PHEX: variants seen among roughly 807,000 people sequenced by gnomAD.
PHEX encodes phosphate-regulating neutral endopeptidase PHEX.
Under a neutral mutation model 68.0 loss-of-function variants are expected in PHEX, and 16 were observed. The observed-to-expected ratio is 0.24, with a 90% CI of 0.16 to 0.36. The LOEUF is 0.36. PHEX is among the 10% of genes least tolerant of loss of function. The pLI, the probability that PHEX is intolerant of heterozygous loss-of-function variation, is 1.00. For missense variants in PHEX, 480 were observed against 575.5 expected (o/e 0.83, Z 1.70); for synonymous variants, 208 against 205.1 (o/e 1.01, Z -0.12).
chrX:22,134,246 C>T (rs1433296293), intron 12 of PHEX, among the ~76,000 whole-genome samples: 3 of 112,059 alleles, frequency 2.7e-5, no homozygotes, highest in South Asian at 3.7e-4. Flanking sequence ...TGATACTATG[C>T]GACACGATAA....
chrX:22,147,359 A>C (rs1932745299), intron 12 of PHEX, among the ~76,000 whole-genome samples: 1 of 110,863 alleles, frequency 9.0e-6, no homozygotes, highest in African/African-American at 3.3e-5. Context: ...TAATAGCCAC[A>C]ATGTGTCTGC....
chrX:22,249,383 T>C lies in PHEX; in HGVS notation c.*1430T>C, dbSNP rs1206047947. On this transcript the variant is annotated 3_prime_UTR_variant, in exon 22 of 22. Coordinates refer to ENST00000379374, the MANE Select transcript of PHEX (RefSeq NM_000444.6). ...CAATAGGAAAATCTCAAAAGCAAAATGACAAATTCAGATTAACCACAGGAA... is the reference window on the plus strand; with the variant it reads ...CAATAGGAAAATCTCAAAAGCAAAACGACAAATTCAGATTAACCACAGGAA... 3.1e-5 allele frequency: 3 copies of C among 96,316 alleles called. No individual in the cohort carries two copies. The highest frequency in any genetic ancestry group is 4.0e-5 in the African/African-American group (1 of 25,122). 7.9% of individuals were successfully genotyped at this position (96,316 alleles called of 1,213,427 possible). A position where few individuals can be genotyped will look rare whatever the true frequency, so the allele number is the denominator to read the frequency against.
At chrX:22,234,273 T>A (rs370969284) in intron 20 of PHEX, among the ~76,000 whole-genome samples, 2 of 112,493 alleles carry the variant, frequency 1.8e-5, no homozygotes, top group Admixed American at 9.4e-5. Context: ...GGGGGTCAGG[T>A]ACCCACTTGA....
intron 12 of PHEX, among the ~76,000 whole-genome samples, chrX:22,148,151 C>T (rs1267597180): frequency 9.0e-6 from 1 of 110,858 alleles, no homozygotes; most frequent in Admixed American, 9.7e-5. Context: ...ACCTGGAGTC[C>T]CTTAGGCAGT....
chrX:22,182,244 C>T (rs1455172331), intron 14 of PHEX, among the ~76,000 whole-genome samples: 1 of 111,179 alleles, frequency 9.0e-6, no homozygotes, highest in Non-Finnish European at 1.9e-5. Flanking sequence ...TAGGTATATT[C>T]CTTCTATATC....
chrX:22,224,525 A>G (rs945110549), intron 18 of PHEX, among the ~76,000 whole-genome samples: 5 of 111,366 alleles, frequency 4.5e-5, no homozygotes, highest in African/African-American at 1.6e-4. Context: ...CCATAAGCTA[A>G]GGTTGATCTG....
chrX:22,054,581 T>A (rs191476226), intron 3 of PHEX, among the ~76,000 whole-genome samples: 5 of 111,769 alleles, frequency 4.5e-5, no homozygotes, highest in African/African-American at 1.6e-4. Context: ...GAGTCTCCTA[T>A]GTAAACTGGG....
intron 13 of PHEX, among the ~76,000 whole-genome samples, chrX:22,174,779 T>A (rs1373130595): frequency 8.9e-6 from 1 of 112,334 alleles, no homozygotes; most frequent in Non-Finnish European, 1.9e-5. Context: ...CAGTAACATA[T>A]TGTTTTGCTA....
chrX:22,051,807 C>T (rs952496381), intron 3 of PHEX, among the ~76,000 whole-genome samples: 13 of 111,095 alleles, frequency 1.2e-4, no homozygotes, highest in African/African-American at 4.2e-4. Context: ...AATAATATAT[C>T]TATAAATGTA....
chrX:22,047,239 C>T, intron 3 of PHEX, 28 bp downstream of exon 3: 1 of 1,144,828 alleles, frequency 8.7e-7, no homozygotes, highest in East Asian at 3.0e-5. Context: ...TTTGGTGATA[C>T]ACTTTATAGA....
intron 3 of PHEX, among the ~76,000 whole-genome samples, chrX:22,056,783 A>ATAT (rs1317182387): frequency 6.7e-4 from 70 of 105,165 alleles, no homozygotes; most frequent in African/African-American, 2.2e-3. Context: ...AATAATAATA[A>ATAT]TAATAATAAT....
At chrX:22,127,013 A>T (rs1931764414) in intron 11 of PHEX, among the ~76,000 whole-genome samples, 1 of 107,401 alleles carries the variant, frequency 9.3e-6, no homozygotes, top group African/African-American at 3.4e-5. Context: ...CTGAGATTAC[A>T]GTTGCCCGCC....
chrX:22,224,994 T>TTTATTATCCTA (rs1569433288), intron 18 of PHEX, among the ~76,000 whole-genome samples: 1 of 6,069 alleles, frequency 1.6e-4, no homozygotes, highest in Non-Finnish European at 3.2e-4. Flanking sequence ...GCTCTGTATG[T>TTTATTATCCTA]CAGAAGTCTG....
chrX:22,128,027 A>G (rs750389932), intron 11 of PHEX, among the ~76,000 whole-genome samples: 1 of 111,951 alleles, frequency 8.9e-6, no homozygotes, highest in African/African-American at 3.2e-5. Flanking sequence ...ATGCCAATCA[A>G]TGGGTTACAG....
At chrX:22,044,726 A>C (rs1273427998) in intron 2 of PHEX, among the ~76,000 whole-genome samples, 2 of 78,174 alleles carry the variant, frequency 2.6e-5, no homozygotes, top group African/African-American at 9.8e-5. Flanking sequence ...AAATAAATAA[A>C]TAAATAAATA....
intron 15 of PHEX, among the ~76,000 whole-genome samples, chrX:22,191,862 C>T (rs941174304): frequency 8.0e-5 from 9 of 112,200 alleles, no homozygotes; most frequent in Non-Finnish European, 1.5e-4. Flanking sequence ...AAAGGAATAC[C>T]ATACAGCAGT....
chrX:22,095,273 C>T (rs991099974), intron 7 of PHEX, among the ~76,000 whole-genome samples: 1 of 111,915 alleles, frequency 8.9e-6, no homozygotes, highest in Non-Finnish European at 1.9e-5. Flanking sequence ...CAGGACTGTG[C>T]CTCTGAGCCA....
At chrX:22,224,232 C>T (rs1935366848) in intron 18 of PHEX, among the ~76,000 whole-genome samples, 2 of 111,745 alleles carry the variant, frequency 1.8e-5, no homozygotes, top group South Asian at 7.5e-4. Flanking sequence ...ATCTGCCCGC[C>T]CCAGCCTCCC....
At position 22,174,093 on chromosome X, in the gene PHEX, A is replaced by G. The variant is rs1024130183; in HGVS notation, c.1483-4180A>G. On this transcript the variant is annotated intron_variant, in intron 13 of 21. Transcript: ENST00000379374. The stretch of plus-strand genomic sequence containing the variant: ...TGGGATAGGATATTCAAGAAGAGAA[A>G]TGTAGGCTCTCCTGAATTTTATGAT... 7.1e-5 allele frequency among the ~76,000 whole-genome samples: 8 copies of G among 111,946 alleles called. No individual in the cohort carries two copies. The East Asian group carries it at 2.2e-3, about 31-fold the overall frequency.
Sources: gnomAD v4.1 joint callset for allele counts (sites outside exome capture counted in the v4.1 genomes callset) on GRCh38, gnomAD v4.1.1 for gene constraint, MANE v1.5 for transcripts, NCBI Gene and HGNC (gene_info 2026-07-23, HGNC 2026-07-21) for gene names.